LRP1B: variants seen among roughly 807,000 people sequenced by gnomAD.
LRP1B encodes LDL receptor related protein 1B.
A neutral mutation model predicts 556.6 loss-of-function variants in LRP1B; 217 were observed. The observed-to-expected ratio is 0.39, with a 90% CI of 0.35 to 0.44. LRP1B has a LOEUF of 0.44. Among genes scored for constraint, LRP1B ranks in the 20% least tolerant of loss-of-function variants. LRP1B has a pLI of 1.00. For synonymous variants in LRP1B, 2,047 were observed against 1,865.8 expected (o/e 1.10, Z -2.50); for missense variants, 5,053 against 5,620.8 (o/e 0.90, Z 3.23).
chr2:142,104,155 C>T (rs1039888856), intron 1 of LRP1B, among the ~76,000 whole-genome samples: 5 of 152,064 alleles, frequency 3.3e-5, no homozygotes, highest in Admixed American at 1.3e-4. Context: ...AGAGGGATAT[C>T]TATAATCCAC....
intron 3 of LRP1B, among the ~76,000 whole-genome samples, chr2:141,453,652 C>T (rs1267207906): frequency 1.3e-5 from 2 of 151,908 alleles, no homozygotes; most frequent in Non-Finnish European, 2.9e-5. Flanking sequence ...GCTCAGCGGC[C>T]CACACCTGTA....
chr2:140,667,366 T>G (rs80064024), intron 41 of LRP1B, among the ~76,000 whole-genome samples: 2,077 of 152,294 alleles, frequency 0.014, 40 homozygotes, highest in Admixed American at 0.046. Context: ...TCATTTACCC[T>G]GATATAAAAC....
intron 3 of LRP1B, among the ~76,000 whole-genome samples, chr2:141,416,414 A>T (rs2104954169): frequency 6.6e-6 from 1 of 151,178 alleles, no homozygotes; most frequent in East Asian, 2.0e-4. Flanking sequence ...CACAACTCCT[A>T]GCCCACAGTA....
At chr2:141,334,280 C>T (rs1178514348) in intron 3 of LRP1B, among the ~76,000 whole-genome samples, 2 of 152,132 alleles carry the variant, frequency 1.3e-5, no homozygotes, top group African/African-American at 4.8e-5. Context: ...AAAACCATCC[C>T]ACCGGGTGCT....
At chr2:141,268,435 T>G (rs1226044267) in intron 3 of LRP1B, among the ~76,000 whole-genome samples, 1 of 152,070 alleles carries the variant, frequency 6.6e-6, no homozygotes, top group Admixed American at 6.6e-5. Context: ...GAGATGATGG[T>G]CAGGGCAGCT....
intron 3 of LRP1B, among the ~76,000 whole-genome samples, chr2:141,319,908 T>C (rs76670535): frequency 0.022 from 3,369 of 152,200 alleles, 152 homozygotes; most frequent in African/African-American, 0.078. Context: ...AACCTTAATA[T>C]GAAATAATAT....
At chr2:140,896,817 G>T (rs1445092190) in intron 23 of LRP1B, among the ~76,000 whole-genome samples, 1 of 151,592 alleles carries the variant, frequency 6.6e-6, no homozygotes, top group East Asian at 1.9e-4. Flanking sequence ...TCTTTTTAAT[G>T]TCAAGAGGGA....
chr2:140,737,061 A>G (rs1267063183), intron 35 of LRP1B, among the ~76,000 whole-genome samples: 1 of 152,168 alleles, frequency 6.6e-6, no homozygotes, highest in Non-Finnish European at 1.5e-5. Flanking sequence ...TCCCCCAAAA[A>G]AATAAACAAG....
intron 31 of LRP1B, among the ~76,000 whole-genome samples, chr2:140,831,874 T>C (rs966726986): frequency 6.6e-6 from 1 of 152,034 alleles, no homozygotes; most frequent in Non-Finnish European, 1.5e-5. Flanking sequence ...AGTAGGCATG[T>C]CTCAAAAAAA....
chr2:142,051,171 G>A (rs577314392), intron 1 of LRP1B, among the ~76,000 whole-genome samples: 1 of 152,096 alleles, frequency 6.6e-6, no homozygotes, highest in African/African-American at 2.4e-5. Context: ...AGTCCAAGTA[G>A]TGCCTTTCTA....
chr2:140,825,776 C>T (rs1450678991), intron 31 of LRP1B, among the ~76,000 whole-genome samples: 1 of 152,040 alleles, frequency 6.6e-6, no homozygotes, highest in Non-Finnish European at 1.5e-5. Context: ...TTTGAACCAA[C>T]ATAAACACAA....
At chr2:140,860,163 C>T (rs1411373253) in intron 27 of LRP1B, among the ~76,000 whole-genome samples, 2 of 152,102 alleles carry the variant, frequency 1.3e-5, no homozygotes, top group African/African-American at 4.8e-5. Flanking sequence ...CAGTACACAA[C>T]CTCTCTATGT....
At chr2:140,648,117 G>A (rs549824635) in intron 41 of LRP1B, among the ~76,000 whole-genome samples, 79 of 152,242 alleles carry the variant, frequency 5.2e-4, no homozygotes, top group African/African-American at 1.8e-3. Flanking sequence ...CCATAGAAAA[G>A]GATGAGTTCA....
intron 2 of LRP1B, among the ~76,000 whole-genome samples, chr2:141,500,517 C>A (rs1683676897): frequency 6.6e-6 from 1 of 152,036 alleles, no homozygotes; most frequent in South Asian, 2.1e-4. Context: ...ACAAAGGTTT[C>A]TCATTCTATA....
At chr2:141,504,428 C>T (rs568484812) in intron 2 of LRP1B, among the ~76,000 whole-genome samples, 4 of 152,188 alleles carry the variant, frequency 2.6e-5, no homozygotes, top group East Asian at 3.9e-4. Context: ...AATGACTCCA[C>T]TTAAAAAAAT....
intron 2 of LRP1B, among the ~76,000 whole-genome samples, chr2:141,797,162 TATATATATATATATATATATA>T (rs1371226221): frequency 1.2e-5 from 1 of 85,728 alleles, no homozygotes; most frequent in Non-Finnish European, 2.6e-5. Flanking sequence ...TATATATATA[TATATATATATATATATATATA>T]TATAACTATA....
intron 7 of LRP1B, among the ~76,000 whole-genome samples, chr2:141,165,818 T>C (rs1247528051): frequency 3.9e-5 from 6 of 152,112 alleles, no homozygotes; most frequent in Non-Finnish European, 8.8e-5. Context: ...GTTAACTCAA[T>C]GCTAGCTATA....
In LRP1B at chr2:140,754,957, T is replaced by A. The variant is rs1051407876; in HGVS notation, c.5758+14256A>T. 2.0e-5 allele frequency among the ~76,000 whole-genome samples: 3 copies of A among 151,890 alleles called. No homozygotes were observed. The South Asian group carries it at 6.2e-4, about 32-fold the overall frequency. Reference sequence around the variant, plus strand: ...AGGCAAATGGAGAAAAAAATGAAATTACTAAAATTAAGAATGAAATATGAG... The same window carrying A: ...AGGCAAATGGAGAAAAAAATGAAATAACTAAAATTAAGAATGAAATATGAG... On this transcript the variant is annotated intron_variant, in intron 35 of 90. Transcript: ENST00000389484.
chr2:140,426,853 C>G (rs979940922), intron 66 of LRP1B, among the ~76,000 whole-genome samples: 1 of 152,192 alleles, frequency 6.6e-6, no homozygotes, highest in Non-Finnish European at 1.5e-5. Context: ...GATCAATCCC[C>G]TGTCTTCCTG....
Sources: allele counts gnomAD v4.1 joint callset (sites outside exome capture counted in the v4.1 genomes callset), GRCh38; gene constraint gnomAD v4.1.1; transcripts MANE v1.5; gene names NCBI Gene and HGNC (gene_info 2026-07-23, HGNC 2026-07-21).